ZPBP: variants seen among roughly 807,000 people sequenced by gnomAD.
ZPBP encodes zona pellucida-binding protein 1.
Under a neutral mutation model 44.8 loss-of-function variants are expected in ZPBP, and 26 were observed. That is an observed-to-expected ratio of 0.58 (90% CI 0.43 to 0.81). The LOEUF is 0.81. Ranked by LOEUF, ZPBP falls within the 30% of genes least tolerant of loss-of-function variation. The pLI, the probability that ZPBP is intolerant of heterozygous loss-of-function variation, is 0.00. For synonymous variants in ZPBP, 174 were observed against 153.2 expected, an observed-to-expected ratio of 1.14 and a Z score of -1.00; for missense variants, 409 against 434.0, an observed-to-expected ratio of 0.94 and a Z score of 0.51.
At chr7:49,875,234 G>A (rs545270333) in intron 2 of ZPBP, among the ~76,000 whole-genome samples, 30 of 151,528 alleles carry the variant, frequency 2.0e-4, no homozygotes, top group African/African-American at 7.3e-4. Flanking sequence ...GCTGGGCATG[G>A]TGGCATGCGC....
intron 4 of ZPBP, among the ~76,000 whole-genome samples, chr7:50,046,932 T>C (rs1800399874): frequency 6.6e-6 from 1 of 152,142 alleles, no homozygotes; most frequent in African/African-American, 2.4e-5. Flanking sequence ...AAAGAAAATG[T>C]GGCATACGCA....
chr7:50,038,081 G>T (rs191114478), intron 4 of ZPBP, among the ~76,000 whole-genome samples: 2 of 152,138 alleles, frequency 1.3e-5, no homozygotes, highest in East Asian at 1.9e-4. Flanking sequence ...TGGTGTAAGG[G>T]TTCCACATCA....
intron 6 of ZPBP, among the ~76,000 whole-genome samples, chr7:49,990,554 C>T (rs1797517986): frequency 6.6e-6 from 1 of 151,598 alleles, no homozygotes; most frequent in Admixed American, 6.6e-5. Context: ...ACCCTGCAAC[C>T]CTGGGACTCC....
chr7:49,989,785 G>A (rs576155647), intron 6 of ZPBP, among the ~76,000 whole-genome samples: 4 of 152,280 alleles, frequency 2.6e-5, no homozygotes, highest in East Asian at 1.9e-4. Flanking sequence ...CTAGTTCTGA[G>A]CAATTATCCT....
chr7:49,875,363 C>G (rs1186003162), intron 2 of ZPBP, among the ~76,000 whole-genome samples: 2 of 18,562 alleles, frequency 1.1e-4, no homozygotes, highest in African/African-American at 4.2e-4. Context: ...GAGTGAGATT[C>G]TGACTCAAAA....
At chr7:49,850,012 A>G (rs1299866723), downstream of ZPBP, among the ~76,000 whole-genome samples, 1 of 152,186 alleles carries the variant, frequency 6.6e-6, no homozygotes, top group African/African-American at 2.4e-5. Flanking sequence ...GTGCCACTGC[A>G]CAGTGCACAG....
chr7:50,086,681 A>T (rs983570800), intron 2 of ZPBP, among the ~76,000 whole-genome samples: 1 of 152,078 alleles, frequency 6.6e-6, no homozygotes, highest in Non-Finnish European at 1.5e-5. Flanking sequence ...AAAAGAATAA[A>T]GATCAATAAC....
At chr7:49,941,410 G>C (rs878960384) in intron 7 of ZPBP, among the ~76,000 whole-genome samples, 2 of 152,150 alleles carry the variant, frequency 1.3e-5, no homozygotes, top group Admixed American at 6.6e-5. Flanking sequence ...TTTTCACTGA[G>C]AGATGGGAAA....
At chr7:49,963,220 A>AAG in intron 7 of ZPBP, among the ~76,000 whole-genome samples, 1 of 151,652 alleles carries the variant, frequency 6.6e-6, no homozygotes, top group Admixed American at 6.6e-5. Context: ...TTAAAATTTT[A>AAG]AGAGATGGAC....
At chr7:49,990,831 G>A (rs1339581240) in intron 6 of ZPBP, among the ~76,000 whole-genome samples, 1 of 152,054 alleles carries the variant, frequency 6.6e-6, no homozygotes, top group African/African-American at 2.4e-5. Context: ...GTTCTAGATT[G>A]GTCTAACACA....
intron 2 of ZPBP, among the ~76,000 whole-genome samples, chr7:49,882,121 C>T (rs968456727): frequency 6.6e-6 from 1 of 151,842 alleles, no homozygotes; most frequent in Non-Finnish European, 1.5e-5. Context: ...TTTATATGTG[C>T]CATAATACTT....
At chr7:49,871,529 G>A (rs1195014680) in intron 2 of ZPBP, among the ~76,000 whole-genome samples, 1 of 152,076 alleles carries the variant, frequency 6.6e-6, no homozygotes, top group African/African-American at 2.4e-5. Flanking sequence ...TCCATTATGT[G>A]TCTTTAAGCA....
chr7:49,976,299 A>G (rs542178060), intron 7 of ZPBP, among the ~76,000 whole-genome samples: 2 of 152,286 alleles, frequency 1.3e-5, no homozygotes, highest in Admixed American at 1.3e-4. Context: ...ATCATTTTAA[A>G]CTAACTGAAA....
chr7:50,037,500 G>GT (rs1385381255), intron 4 of ZPBP, among the ~76,000 whole-genome samples: 1 of 152,192 alleles, frequency 6.6e-6, no homozygotes, highest in African/African-American at 2.4e-5. Context: ...ATGATTGAAG[G>GT]TGAAGGGGAA....
At chr7:49,957,323 G>A (rs1333367454) in intron 7 of ZPBP, among the ~76,000 whole-genome samples, 5 of 152,192 alleles carry the variant, frequency 3.3e-5, no homozygotes, top group African/African-American at 1.2e-4. Context: ...TGCTAAAACA[G>A]TCCTCTCATC....
In ZPBP at chr7:50,058,034, C is replaced by T; in HGVS notation, c.442G>A (p.Val148Met). 1 of 1,613,294 alleles carries T rather than the reference C, an allele frequency of 6.2e-7. No homozygotes were observed. Among genetic ancestry groups the T allele is most frequent in the Non-Finnish European group, 8.5e-7 (1 of 1,179,730 alleles). The change falls in exon 4 of 8, where the codon GTG becomes ATG. Residue 148 changes from valine (V) to methionine (M), a missense_variant. By Grantham distance (21) the Val-to-Met change is conservative. Transcript: ENST00000046087. ...TGAAGACGTTTAACAATTTCTTCCACAGTAGGTTTATATTCGAGGAAACAT... is the reference window on the plus strand; with the variant it reads ...TGAAGACGTTTAACAATTTCTTCCATAGTAGGTTTATATTCGAGGAAACAT... ...YTCFLEYKPT[V>M]EEIVKRLQLK...
chr7:49,980,007 A>C (rs1167806848), intron 7 of ZPBP, among the ~76,000 whole-genome samples: 1 of 97,360 alleles, frequency 1.0e-5, no homozygotes, highest in African/African-American at 4.2e-5. Flanking sequence ...TATATATTAT[A>C]TATATTATAA....
intron 4 of ZPBP, among the ~76,000 whole-genome samples, chr7:50,048,944 C>G (rs1340689734): frequency 6.6e-6 from 1 of 150,948 alleles, no homozygotes; most frequent in Admixed American, 6.6e-5. Flanking sequence ...GCTAGATTTA[C>G]AAAAACAAGA....
intron 3 of ZPBP, among the ~76,000 whole-genome samples, chr7:50,060,852 A>C (rs1172930951): frequency 6.6e-6 from 1 of 152,216 alleles, no homozygotes; most frequent in Non-Finnish European, 1.5e-5. Context: ...TGGTGGACAC[A>C]AAATGAAAAA....
Sources: gnomAD v4.1 joint callset for allele counts (sites outside exome capture counted in the v4.1 genomes callset) on GRCh38, gnomAD v4.1.1 for gene constraint, MANE v1.5 for transcripts, NCBI Gene and HGNC (gene_info 2026-07-23, HGNC 2026-07-21) for gene names.